Variants in CDH13 observed in about 807,000 individuals in gnomAD.
CDH13 encodes cadherin 13.
CDH13 carries 24 observed loss-of-function variants against 63.8 expected under a neutral mutation model. The observed-to-expected ratio is 0.38, with a 90% CI of 0.27 to 0.53. CDH13 has a LOEUF of 0.53. Ranked by LOEUF, CDH13 falls within the 20% of genes least tolerant of loss-of-function variation. The probability of loss-of-function intolerance (pLI) is 0.85; values close to 1 mark genes in which losing one functional copy is unlikely to be tolerated. For missense variants in CDH13, 1,049 were observed against 903.1 expected (o/e 1.16, Z -2.07); for synonymous variants, 503 against 355.3 (o/e 1.42, Z -4.67).
chr16:82,849,266 G>A (rs776264486), intron 1 of CDH13, among the ~76,000 whole-genome samples: 22 of 152,168 alleles, frequency 1.4e-4, no homozygotes, highest in Non-Finnish European at 2.8e-4. Context: ...CACTTTCGGA[G>A]ACCAAAGCAG....
In CDH13 at chr16:83,047,284, T is replaced by C. The variant is rs1329412238; in HGVS notation, c.366+15066T>C. Among the ~76,000 whole-genome samples the C allele has an allele frequency of 6.6e-6, 1 of 152,208 alleles. No homozygotes were observed. The highest frequency in any genetic ancestry group is 1.5e-5 in the Non-Finnish European group (1 of 68,042). ...TTGGTAAAGGCCTCTGCTGTGAATT[T>C]AAGTCATCTAATCAAAATGCATTAT... is the stretch of plus-strand genomic sequence containing the variant. On this transcript the variant is annotated intron_variant, in intron 3 of 13. Transcript: ENST00000567109. The surrounding 1 kb of genome is among the most constrained non-coding windows in gnomAD (Gnocchi z 4.9).
intron 2 of CDH13, among the ~76,000 whole-genome samples, chr16:82,966,155 G>C (rs567924755): frequency 2.0e-5 from 3 of 152,060 alleles, no homozygotes; most frequent in Non-Finnish European, 4.4e-5. Context: ...TTGTTTGTTT[G>C]TTTGTTTGTT....
chr16:83,272,453 C>T (rs890853443), intron 5 of CDH13, among the ~76,000 whole-genome samples: 1 of 152,186 alleles, frequency 6.6e-6, no homozygotes, highest in Non-Finnish European at 1.5e-5. Context: ...GCACTTACTA[C>T]TTAATACCAC....
chr16:82,760,905 C>T (rs2034812376), intron 1 of CDH13, among the ~76,000 whole-genome samples: 1 of 151,634 alleles, frequency 6.6e-6, no homozygotes, highest in Admixed American at 6.6e-5. Flanking sequence ...AGGGAGAACT[C>T]ACTCATGATC....
At chr16:83,688,695 G>C (rs1447369946) in intron 10 of CDH13, among the ~76,000 whole-genome samples, 1 of 152,184 alleles carries the variant, frequency 6.6e-6, no homozygotes, top group Non-Finnish European at 1.5e-5. Context: ...ATTGTTTACA[G>C]TGGTGTCTTT....
chr16:83,752,779 G>T (rs1024650319), intron 11 of CDH13, among the ~76,000 whole-genome samples: 1 of 152,174 alleles, frequency 6.6e-6, no homozygotes, highest in African/African-American at 2.4e-5. Context: ...ATAACGTTGT[G>T]AGAAATGAGT....
At chr16:83,301,025 G>GT (rs3052591) in intron 5 of CDH13, among the ~76,000 whole-genome samples, 18,763 of 77,210 alleles carry the variant, frequency 0.24, 3,648 homozygotes, top group Non-Finnish European at 0.29. Context: ...ACTTTCTGGG[G>GT]TTTTTTTTTT....
chr16:82,700,179 T>C (rs545799368), intron 1 of CDH13, among the ~76,000 whole-genome samples: 15 of 152,296 alleles, frequency 9.8e-5, no homozygotes, highest in African/African-American at 3.6e-4. Context: ...TTAAATGAAT[T>C]TTTCCTGCGG....
At chr16:83,577,593 T>C (rs1385891461) in intron 7 of CDH13, among the ~76,000 whole-genome samples, 2 of 152,194 alleles carry the variant, frequency 1.3e-5, no homozygotes, top group Non-Finnish European at 1.5e-5. Flanking sequence ...GTTCAGGGAA[T>C]GGTTGTCTGC....
intron 1 of CDH13, among the ~76,000 whole-genome samples, chr16:82,676,454 T>A (rs147805478): frequency 1.2e-3 from 185 of 151,876 alleles, no homozygotes; most frequent in African/African-American, 4.2e-3. Flanking sequence ...CCCTCTCCAT[T>A]GCCAGTATCC....
At chr16:83,324,766 G>A (rs974887959) in intron 5 of CDH13, among the ~76,000 whole-genome samples, 1 of 152,198 alleles carries the variant, frequency 6.6e-6, no homozygotes, top group Non-Finnish European at 1.5e-5. Flanking sequence ...ATTTGTCTAG[G>A]AGTGGAACTG....
chr16:83,759,071 G>T (rs1191158096), intron 11 of CDH13, among the ~76,000 whole-genome samples: 3 of 152,196 alleles, frequency 2.0e-5, no homozygotes, highest in African/African-American at 7.2e-5. Context: ...GGAAATACAA[G>T]GAGTGAAAAA....
intron 4 of CDH13, among the ~76,000 whole-genome samples, chr16:83,127,763 A>T (rs1282609237): frequency 1.3e-5 from 2 of 152,176 alleles, no homozygotes; most frequent in Non-Finnish European, 2.9e-5. Context: ...TCTTTATTGC[A>T]AATTGAAAGA....
At chr16:83,771,994 A>G (rs1169414726) in intron 11 of CDH13, among the ~76,000 whole-genome samples, 3 of 152,214 alleles carry the variant, frequency 2.0e-5, no homozygotes, top group Non-Finnish European at 4.4e-5. Context: ...TCCTGCAGCT[A>G]AGGTTTGCTC....
intron 5 of CDH13, among the ~76,000 whole-genome samples, chr16:83,332,608 A>G (rs570726660): frequency 6.6e-6 from 1 of 152,314 alleles, no homozygotes; most frequent in African/African-American, 2.4e-5. Flanking sequence ...CCATCTTTGC[A>G]CAAAAATCCC....
chr16:83,042,376 A>G lies in CDH13; in HGVS notation c.366+10158A>G, dbSNP rs528121854. 2.0e-5 allele frequency among the ~76,000 whole-genome samples: 3 copies of G among 152,312 alleles called. No homozygotes were observed. The East Asian group carries it at 5.8e-4, about 29-fold the overall frequency. On this transcript the variant is annotated intron_variant, in intron 3 of 13. Transcript: ENST00000567109. Reference sequence around the variant, plus strand: ...AACCCTATTGTAAATTGCACATGCAAGAGATCTAGGTTGCACCCTCCTTAT... The same window carrying G: ...AACCCTATTGTAAATTGCACATGCAGGAGATCTAGGTTGCACCCTCCTTAT...
At chr16:82,796,370 C>G (rs926320622) in intron 1 of CDH13, among the ~76,000 whole-genome samples, 1 of 152,180 alleles carries the variant, frequency 6.6e-6, no homozygotes, top group African/African-American at 2.4e-5. Flanking sequence ...AACATCTCCC[C>G]AGGGTACATT....
At chr16:83,163,071 C>G (rs755835353) in intron 4 of CDH13, among the ~76,000 whole-genome samples, 15 of 152,162 alleles carry the variant, frequency 9.9e-5, no homozygotes, top group Admixed American at 8.5e-4. Flanking sequence ...AGTGAATAAG[C>G]CTCACAAGAT....
chr16:83,048,328 C>G (rs1469549852), intron 3 of CDH13, among the ~76,000 whole-genome samples: 1 of 152,092 alleles, frequency 6.6e-6, no homozygotes, highest in East Asian at 1.9e-4. Context: ...ATATGAAGCC[C>G]AATAGATGGG....
Sources: allele counts gnomAD v4.1 joint callset (sites outside exome capture counted in the v4.1 genomes callset), GRCh38; gene constraint gnomAD v4.1.1; non-coding constraint Gnocchi (gnomAD v3.1); transcripts MANE v1.5; gene names NCBI Gene and HGNC (gene_info 2026-07-23, HGNC 2026-07-21).